CRYBG3: variants seen among roughly 807,000 people sequenced by gnomAD.
CRYBG3 encodes the protein crystallin beta-gamma domain containing 3.
Under a neutral mutation model 244.2 loss-of-function variants are expected in CRYBG3, and 127 were observed. That is an observed-to-expected ratio of 0.52 (90% CI 0.45 to 0.60). CRYBG3 has a LOEUF of 0.60. CRYBG3 is among the 20% of genes least tolerant of loss of function. CRYBG3 has a pLI of 0.00. For synonymous variants in CRYBG3, 1,132 were observed against 1,195.8 expected, an observed-to-expected ratio of 0.95 and a Z score of 1.10; for missense variants, 3,325 against 3,442.5, an observed-to-expected ratio of 0.97 and a Z score of 0.85.
intron 2 of CRYBG3, among the ~76,000 whole-genome samples, chr3:97,858,389 T>C (rs1006520411): frequency 6.6e-6 from 1 of 152,072 alleles, no homozygotes. Context: ...TTGAATCTAT[T>C]TGGGGACTTT....
rs868503928 is a variant in CRYBG3, at chr3:97,871,717, C to G, written c.648-125C>G. 37 of 585,598 alleles carry G rather than the reference C, an allele frequency of 6.3e-5. No individual in the cohort carries two copies. The Middle Eastern group carries it at 1.2e-3, about 20-fold the overall frequency. The allele number at this position is 585,598 out of a possible 1,614,324, so 36.3% of individuals were successfully genotyped here. A position where few individuals can be genotyped will look rare whatever the true frequency, so the allele number is the denominator to read the frequency against. ...TAAATTTAAAGCGTTCTAGGATTTA[C>G]TCCCCAAATTGGTACATATTAAGGG... On this transcript the variant is annotated intron_variant, in intron 3 of 21. Coordinates refer to ENST00000389622, the MANE Select transcript of CRYBG3 (RefSeq NM_153605.4).
chr3:97,884,932 ATTGT>A (rs763898571), intron 7 of CRYBG3, among the ~76,000 whole-genome samples: 4 of 152,150 alleles, frequency 2.6e-5, no homozygotes, highest in South Asian at 2.1e-4. Flanking sequence ...CCACCCAAAC[ATTGT>A]TTGTACAACA....
chr3:97,893,576 G>C (rs893753658), intron 11 of CRYBG3, among the ~76,000 whole-genome samples: 1 of 152,212 alleles, frequency 6.6e-6, no homozygotes, highest in Non-Finnish European at 1.5e-5. Context: ...GATGGGCCTG[G>C]GATGTACCTT....
intron 2 of CRYBG3, among the ~76,000 whole-genome samples, chr3:97,851,769 T>A (rs1314188990): frequency 6.6e-6 from 1 of 152,194 alleles, no homozygotes; most frequent in Non-Finnish European, 1.5e-5. Flanking sequence ...GGCTTGGATT[T>A]TATCCTGATG....
intron 1 of CRYBG3, 69 bp downstream of exon 1, chr3:97,822,424 C>A: frequency 7.4e-7 from 1 of 1,345,126 alleles, no homozygotes; most frequent in Non-Finnish European, 9.7e-7. Context: ...CCCGGCCTGA[C>A]CGCCGGCAGC....
chr3:97,925,433 T>C (rs1186205132), intron 17 of CRYBG3, among the ~76,000 whole-genome samples: 5 of 152,046 alleles, frequency 3.3e-5, no homozygotes, highest in Admixed American at 2.0e-4. Flanking sequence ...GTGGGGGGAA[T>C]AAGAATGTCT....
intron 3 of CRYBG3, among the ~76,000 whole-genome samples, chr3:97,866,366 C>G (rs759154128): frequency 2.0e-5 from 3 of 152,186 alleles, no homozygotes; most frequent in Non-Finnish European, 4.4e-5. Flanking sequence ...CAGTGTCCGA[C>G]AGCAGAAAAG....
intron 1 of CRYBG3, among the ~76,000 whole-genome samples, chr3:97,841,306 A>G (rs1219201102): frequency 6.7e-6 from 1 of 150,302 alleles, no homozygotes; most frequent in African/African-American, 2.4e-5. Context: ...ATATGTATAT[A>G]TATGTGTATA....
Position 97,877,305 on chromosome 3 carries a change from G to GACA in CRYBG3, c.6111_6112insACA (p.Leu2037_Ala2038insThr), listed in dbSNP as rs753450265. ...CGTCCGCTGACAGCATGCCTGTTCT[G>GACA]GCATGTGAAAGGTCTGAGAGTAGAA... is the stretch of plus-strand genomic sequence containing the variant. On this transcript the variant is annotated inframe_insertion, in exon 4 of 22. Transcript: ENST00000389622. 1.2e-6 allele frequency: 2 copies of GACA among 1,614,086 alleles called. No individual in the cohort carries two copies. Among genetic ancestry groups the GACA allele is most frequent in the South Asian group, 2.2e-5 (2 of 91,066 alleles).
intron 7 of CRYBG3, among the ~76,000 whole-genome samples, 177 bp downstream of exon 7, chr3:97,881,396 A>G (rs2039445016): frequency 6.6e-6 from 1 of 152,234 alleles, no homozygotes; most frequent in Non-Finnish European, 1.5e-5. Flanking sequence ...AATTAAAAAT[A>G]TTAACCAGAG....
At chr3:97,851,288 C>T (rs937733413) in intron 2 of CRYBG3, among the ~76,000 whole-genome samples, 2 of 152,102 alleles carry the variant, frequency 1.3e-5, no homozygotes, top group African/African-American at 4.8e-5. Flanking sequence ...ACGCGGCAGC[C>T]AGATGTCTTA....
chr3:97,874,863 C>G lies in CRYBG3; in HGVS notation c.3669C>G (p.Thr1223=). ...TAAAATTCAAACACACAGTGAGTAC[C>G]TGCCAGGAGCATATAGCCATAGAAG... The part of the protein sequence containing the change: ...EELKFKHTVS[T]CQEHIAIEGI... Residue 1223 remains threonine (T), a synonymous_variant, in exon 4 of 22, where the codon ACC becomes ACG. Coordinates refer to ENST00000389622, the MANE Select transcript of CRYBG3 (RefSeq NM_153605.4). The G allele has an allele frequency of 1.7e-5, 26 of 1,535,428 alleles. No individual in the cohort carries two copies. The highest frequency in any genetic ancestry group is 2.3e-5 in the Non-Finnish European group (26 of 1,146,676).
At position 97,862,730 on chromosome 3, in the gene CRYBG3, A is replaced by G. The variant is rs574905692; in HGVS notation, c.217-1487A>G. Among the ~76,000 whole-genome samples the G allele has an allele frequency of 1.4e-4, 21 of 152,208 alleles. No homozygotes were observed. The South Asian group carries it at 3.9e-3, about 29-fold the overall frequency. ...GGGTGAGGTGGAGACAACTGGAATC[A>G]AATTGTAGTTGAAACTAGTGAAAGG... On this transcript the variant is annotated intron_variant, in intron 2 of 21. Transcript: ENST00000389622.
At chr3:97,887,766 C>A (rs2039526518) in intron 8 of CRYBG3, among the ~76,000 whole-genome samples, 1 of 151,882 alleles carries the variant, frequency 6.6e-6, no homozygotes, top group African/African-American at 2.4e-5. Flanking sequence ...CAAGAAAAAA[C>A]AACAAAAACA....
chr3:97,887,152 G>C (rs1559733499), intron 8 of CRYBG3, among the ~76,000 whole-genome samples: 1 of 152,138 alleles, frequency 6.6e-6, no homozygotes, highest in Non-Finnish European at 1.5e-5. Flanking sequence ...TGACTCCTCT[G>C]TTCCTGAAAG....
At chr3:97,941,072 C>G in intron 19 of CRYBG3, 76 bp from the exon 20 acceptor site, 1 of 1,282,632 alleles carries the variant, frequency 7.8e-7, no homozygotes, top group Non-Finnish European at 1.1e-6. Flanking sequence ...ACTTTCCCTC[C>G]CAGCTTTCCT....
chr3:97,858,936 T>C lies in CRYBG3; in HGVS notation c.217-5281T>C, dbSNP rs184214696. Among the ~76,000 whole-genome samples, 10 of 151,946 alleles carry C rather than the reference T, an allele frequency of 6.6e-5. 1 individual carries two copies. The highest frequency in any genetic ancestry group is 2.2e-4 in the African/African-American group (9 of 41,554). ...TATGCATCTGGTGGAATAAGTACCT[T>C]CTTCAATTTTATGGAGTAGCTTTTG... On this transcript the variant is annotated intron_variant, in intron 2 of 21. Transcript: ENST00000389622.
intron 1 of CRYBG3, among the ~76,000 whole-genome samples, chr3:97,832,973 A>T (rs1441839890): frequency 6.6e-6 from 1 of 152,256 alleles, no homozygotes; most frequent in African/African-American, 2.4e-5. Flanking sequence ...AAAGCTCATC[A>T]TCACTGGTCA....
rs562320652 is a variant in CRYBG3 at position 97,889,616 on chromosome 3, A to G, written c.7440+226A>G. ...TCTGCAAAGATGGAGGTCTGTACCA[A>G]TAAATCAGTCAGACTCACTACATTC... On this transcript the variant is annotated intron_variant, in intron 10 of 21. Coordinates refer to ENST00000389622, the MANE Select transcript of CRYBG3 (RefSeq NM_153605.4). 4.6e-5 allele frequency among the ~76,000 whole-genome samples: 7 copies of G among 152,300 alleles called. No homozygotes were observed. The East Asian group carries it at 7.7e-4, about 17-fold the overall frequency.
Sources: gnomAD v4.1 joint callset for allele counts (sites outside exome capture counted in the v4.1 genomes callset) on GRCh38, gnomAD v4.1.1 for gene constraint, MANE v1.5 for transcripts, NCBI Gene and HGNC (gene_info 2026-07-23, HGNC 2026-07-21) for gene names.